TECPR1: variants seen among roughly 807,000 people sequenced by gnomAD.
TECPR1 encodes tectonin beta-propeller repeat containing 1, also known as tectonin beta-propeller repeat-containing protein 1.
Under a neutral mutation model 162.4 loss-of-function variants are expected in TECPR1, and 122 were observed. The ratio of observed to expected loss-of-function variants is 0.75; its 90% CI spans 0.65 to 0.87. The LOEUF (loss-of-function observed/expected upper bound fraction) is 0.87. Ranked by LOEUF, TECPR1 falls within the 40% of genes least tolerant of loss-of-function variation. The pLI, the probability that TECPR1 is intolerant of heterozygous loss-of-function variation, is 0.00. For missense variants in TECPR1, 1,432 were observed against 1,618.2 expected, an observed-to-expected ratio of 0.88 and a Z score of 1.97; for synonymous variants, 642 against 670.6, an observed-to-expected ratio of 0.96 and a Z score of 0.66.
In TECPR1 at chr7:98,223,105, G is replaced by T; in HGVS notation, c.2813C>A (p.Ser938Tyr). 6.2e-7 allele frequency: 1 copy of T among 1,604,360 alleles called. No homozygotes were observed. The highest frequency in any genetic ancestry group is 8.5e-7 in the Non-Finnish European group (1 of 1,176,164). The change falls in exon 21 of 26, where the codon TCC becomes TAC. Residue 938 changes from serine (S) to tyrosine (Y), a missense_variant. Ser to Tyr is a moderately radical substitution (Grantham distance 144, BLOSUM62 -2). Coordinates refer to ENST00000447648, the MANE Select transcript of TECPR1 (RefSeq NM_015395.3). ...GGCACCCGGGCTCTCCGGGATGATG[G>T]ACACGTCCCTGAGGGCGATGGGGGG... ...EVPPIALRDV[S>Y]IIPESPGAEG...
chr7:98,216,601 G>A lies in TECPR1; in HGVS notation c.*789C>T, dbSNP rs1406738856. 6.9e-6 allele frequency: 1 copy of A among 144,252 alleles called. No homozygotes were observed. Among genetic ancestry groups the A allele is most frequent in the East Asian group, 2.0e-4 (1 of 4,948 alleles). The allele number at this position is 144,252 out of a possible 1,614,324, so 8.9% of individuals were successfully genotyped here. A position where few individuals can be genotyped will look rare whatever the true frequency, so the allele number is the denominator to read the frequency against. ...TTTGAGATGGAGTCTCTGTCGCCCAGGCTGGAGTGCAGTGGCATGATCTCG... is the reference window on the plus strand; with the variant it reads ...TTTGAGATGGAGTCTCTGTCGCCCAAGCTGGAGTGCAGTGGCATGATCTCG... On this transcript the variant is annotated 3_prime_UTR_variant, in exon 26 of 26. Coordinates refer to ENST00000447648, the MANE Select transcript of TECPR1 (RefSeq NM_015395.3).
Position 98,216,976 on chromosome 7 carries a change from T to C in TECPR1, c.*414A>G. The C allele has an allele frequency of 5.6e-6, 1 of 178,882 alleles. No individual in the cohort carries two copies. The highest frequency in any genetic ancestry group is 1.2e-5 in the Non-Finnish European group (1 of 84,436). 11.1% of individuals were successfully genotyped at this position (178,882 alleles called of 1,614,324 possible). On this transcript the variant is annotated 3_prime_UTR_variant, in exon 26 of 26. Transcript: ENST00000447648. ...CATGGCCATCTCTCTTGGTGAGGGG[T>C]GGCGGGCCCGGGTGCTGTCTGAGAT...
At position 98,231,857 on chromosome 7, in the gene TECPR1, C is replaced by A; in HGVS notation, c.1921G>T (p.Gly641Cys). ...ATGAAGAGGATGCTGTCCCGGACGC[C>A]GTCGTGCCCCGTGAACTGCTCCAGG... Reference protein sequence around the residue: ...LALEQFTGHDGVRDSILFIYY... With the variant: ...LALEQFTGHDCVRDSILFIYY... Residue 641 changes from glycine to cysteine, a missense_variant, in exon 13 of 26, where the codon GGC becomes TGC. By Grantham distance (159) the Gly-to-Cys change is radical (BLOSUM62 -3). Transcript: ENST00000447648. 6.2e-7 allele frequency: 1 copy of A among 1,612,776 alleles called. No homozygotes were observed. The highest frequency in any genetic ancestry group is 1.1e-5 in the South Asian group (1 of 91,076).
In TECPR1 at chr7:98,231,338, C is replaced by G. The variant is rs2116571560; in HGVS notation, c.2010G>C (p.Leu670=). ...GCTTGGTCTCGTTCAGCACTGGGAC[C>G]AGCGCCACCACCTCATTCAGGAATA... is the stretch of plus-strand genomic sequence containing the variant. The part of the protein sequence containing the change: ...IHIFLNEVVA[L]VPVLNETKHS... The change falls in exon 14 of 26, where the codon CTG becomes CTC. Residue 670 remains leucine (L), a synonymous_variant. Coordinates refer to ENST00000447648, the MANE Select transcript of TECPR1 (RefSeq NM_015395.3). 1 of 1,609,630 alleles carries G rather than the reference C, an allele frequency of 6.2e-7. No individual in the cohort carries two copies. The highest frequency in any genetic ancestry group is 1.7e-4 in the Middle Eastern group (1 of 6,056).
chr7:98,235,045 T>C (rs1212089975), intron 10 of TECPR1, among the ~76,000 whole-genome samples: 1 of 152,162 alleles, frequency 6.6e-6, no homozygotes, highest in African/African-American at 2.4e-5. Context: ...TTCACTCTCT[T>C]GATAATGTCC....
chr7:98,231,370 T>C lies in TECPR1; in HGVS notation c.1978A>G (p.Ile660Val), dbSNP rs1271438377. 1 of 1,600,126 alleles carries C rather than the reference T, an allele frequency of 6.2e-7. No individual in the cohort carries two copies. Among genetic ancestry groups the C allele is most frequent in the Admixed American group, 1.7e-5 (1 of 57,730 alleles). Residue 660 changes from isoleucine (I) to valine (V), a missense_variant, in exon 14 of 26, where the codon ATC becomes GTC. Coordinates refer to ENST00000447648, the MANE Select transcript of TECPR1 (RefSeq NM_015395.3). ...YYVVHEEKKY[I>V]HIFLNEVVAL... is the part of the protein sequence containing the mutation. ...ACCACCTCATTCAGGAATATGTGGA[T>C]GTACTGTTCACAGAACAGGCGCCCG...
At chr7:98,222,543 G>A (rs1052824361) in intron 21 of TECPR1, 22 bp from the exon 22 acceptor site, 18 of 1,557,756 alleles carry the variant, frequency 1.2e-5, no homozygotes, top group African/African-American at 6.8e-5. Context: ...AAGGAGGGGC[G>A]CTGAGGTCAC....
In TECPR1 at chr7:98,232,757, A is replaced by T; in HGVS notation, c.1818+70T>A. The T allele has an allele frequency of 6.8e-7, 1 of 1,466,496 alleles. No individual in the cohort carries two copies. Among genetic ancestry groups the T allele is most frequent in the Non-Finnish European group, 9.0e-7 (1 of 1,108,436 alleles). The allele number at this position is 1,466,496 out of a possible 1,614,324, so 90.8% of individuals were successfully genotyped here. On this transcript the variant is annotated intron_variant, in intron 12 of 25. Transcript: ENST00000447648. The surrounding 1 kb of genome is among the most constrained non-coding windows in gnomAD (Gnocchi z 4.6). Reference sequence around the variant, plus strand: ...TATCTGTTTCTCTCAGAGCTGGTACACAGCAGGCGCTCAATGAATGATTGC... The same window carrying T: ...TATCTGTTTCTCTCAGAGCTGGTACTCAGCAGGCGCTCAATGAATGATTGC...
chr7:98,240,058 G>C (rs1798706057), intron 8 of TECPR1, among the ~76,000 whole-genome samples: 1 of 152,038 alleles, frequency 6.6e-6, no homozygotes, highest in African/African-American at 2.4e-5. Flanking sequence ...GGAGTGAGCA[G>C]AGATTGCGCC....
At chr7:98,251,082 G>C (rs1306867568) in intron 2 of TECPR1, 1 of 152,172 alleles carries the variant, frequency 6.6e-6, no homozygotes, top group African/African-American at 2.4e-5. Context: ...CTCTTGAAAG[G>C]GGGGTTGGAA....
Position 98,229,183 on chromosome 7 carries a change from G to A in TECPR1, c.2283-17C>T, listed in dbSNP as rs1311892844. On this transcript the variant is annotated splice_polypyrimidine_tract_variant and intron_variant, in intron 15 of 25. Transcript: ENST00000447648. ...CGCCAAAACCTGGAAGGATGGGAGA[G>A]GGCAGGTGGAAACCCCTCAGACCCC... 1.3e-6 allele frequency: 2 copies of A among 1,552,352 alleles called. No individual in the cohort carries two copies. The highest frequency in any genetic ancestry group is 4.9e-5 in the East Asian group (2 of 41,008).
chr7:98,230,907 C>T (rs1301256423), intron 15 of TECPR1, 54 bp downstream of exon 15: 36 of 1,564,720 alleles, frequency 2.3e-5, no homozygotes, highest in Admixed American at 1.8e-4. Flanking sequence ...TCTGTAACCA[C>T]GAGCTCGGGG....
intron 23 of TECPR1, among the ~76,000 whole-genome samples, chr7:98,220,844 C>T (rs1319586979): frequency 6.6e-6 from 1 of 151,850 alleles, no homozygotes; most frequent in Admixed American, 6.5e-5. Flanking sequence ...GTGTGAGCCA[C>T]CGCGCTTGGC....
intron 3 of TECPR1, 56 bp downstream of exon 3, chr7:98,245,866 A>C: frequency 6.8e-7 from 1 of 1,477,002 alleles, no homozygotes; most frequent in South Asian, 1.2e-5. Context: ...TCATCATTTT[A>C]ACCAATAACC....
rs201763885 is a variant in TECPR1, at chr7:98,243,542, G to A, written c.582C>T (p.Leu194=). ...CCGTGATCTCCCAGCCCCCTACAGA[G>A]AGGTCGTTGAAGGGGTCGGGCAGCT... The part of the protein sequence containing the change: ...PKELPDPFND[L]SVGGWEITEE... The change falls in exon 6 of 26, where the codon CTC becomes CTT. Residue 194 remains leucine (L), a synonymous_variant. Coordinates refer to ENST00000447648, the MANE Select transcript of TECPR1 (RefSeq NM_015395.3). 9.9e-5 allele frequency: 159 copies of A among 1,612,680 alleles called. 1 individual carries two copies. The Admixed American group carries it at 1.5e-3, about 15-fold the overall frequency.
chr7:98,233,137 C>A lies in TECPR1; in HGVS notation c.1673-165G>T, dbSNP rs927507909. On this transcript the variant is annotated intron_variant, in intron 11 of 25. Transcript: ENST00000447648. ...CCCTGTTGGATGAGTTGCTCTCCCC[C>A]AGTAATTCAGCCTGGAAAGCAGCCA... is the stretch of plus-strand genomic sequence containing the variant. 2.4e-5 allele frequency: 21 copies of A among 866,902 alleles called. No homozygotes were observed. In the East Asian group the frequency reaches 2.6e-4, roughly 11 times the overall value. The allele number at this position is 866,902 out of a possible 1,614,324, so 53.7% of individuals were successfully genotyped here. A position where few individuals can be genotyped will look rare whatever the true frequency, so the allele number is the denominator to read the frequency against.
At chr7:98,223,618 T>G (rs1457402515) in intron 20 of TECPR1, 44 bp downstream of exon 20, 1 of 1,610,586 alleles carries the variant, frequency 6.2e-7, no homozygotes, top group Non-Finnish European at 8.5e-7. Flanking sequence ...GGGTGGCTCC[T>G]CCAGGAGCCT....
chr7:98,233,137 C>G (rs927507909), intron 11 of TECPR1, 165 bp from the exon 12 acceptor site: 3 of 866,788 alleles, frequency 3.5e-6, no homozygotes, highest in African/African-American at 1.7e-5. Context: ...TGCTCTCCCC[C>G]AGTAATTCAG....
In TECPR1 at chr7:98,236,773, C is replaced by A; in HGVS notation, c.1181+3G>T. On this transcript the variant is annotated splice_donor_region_variant and intron_variant, in intron 10 of 25. Transcript: ENST00000447648. Reference sequence around the variant, plus strand: ...TCCTGCGCACCCTGCCACCCCCAGTCACCTGAGGAGACTAGACGAGCTGCC... The same window carrying A: ...TCCTGCGCACCCTGCCACCCCCAGTAACCTGAGGAGACTAGACGAGCTGCC... 6.3e-7 allele frequency: 1 copy of A among 1,595,066 alleles called. No homozygotes were observed. The highest frequency in any genetic ancestry group is 2.3e-5 in the East Asian group (1 of 43,694).
Sources: allele counts gnomAD v4.1 joint callset (sites outside exome capture counted in the v4.1 genomes callset), GRCh38; gene constraint gnomAD v4.1.1; non-coding constraint Gnocchi (gnomAD v3.1); transcripts MANE v1.5; gene names NCBI Gene and HGNC (gene_info 2026-07-23, HGNC 2026-07-21).